Variants in CNPY1 observed in about 807,000 individuals in gnomAD.
CNPY1 encodes canopy FGF signaling regulator 1.
CNPY1 carries 14 observed loss-of-function variants against 14.4 expected under a neutral mutation model. That is an observed-to-expected ratio of 0.97 (90% CI 0.64 to 1.52). The LOEUF (loss-of-function observed/expected upper bound fraction) is 1.52. Ranked by LOEUF, CNPY1 falls within the 40% of genes most tolerant of loss-of-function variation. The pLI, the probability that CNPY1 is intolerant of heterozygous loss-of-function variation, is 0.00. For synonymous variants in CNPY1, 43 were observed against 46.5 expected, an observed-to-expected ratio of 0.92 and a Z score of 0.31; for missense variants, 129 against 131.5, an observed-to-expected ratio of 0.98 and a Z score of 0.09.
At chr7:155,534,374 C>A (rs1455178490) in intron 2 of CNPY1, among the ~76,000 whole-genome samples, 1 of 152,014 alleles carries the variant, frequency 6.6e-6, no homozygotes, top group Non-Finnish European at 1.5e-5. Context: ...CAGGCACACA[C>A]ACGCATGCAT....
Position 155,536,022 on chromosome 7 carries a change from G to A in CNPY1, c.99+9809C>T, listed in dbSNP as rs1563096682. Among the ~76,000 whole-genome samples the A allele has an allele frequency of 6.6e-6, 1 of 152,222 alleles. No homozygotes were observed. On this transcript the variant is annotated intron_variant, in intron 2 of 4. Transcript: ENST00000636446. The surrounding 1 kb of genome is among the most constrained non-coding windows in gnomAD (Gnocchi z 4.1). ...TTCTGAGATTTGCAACTGGAGGCTG[G>A]CAAGTATTTTATTTGGTGCAAGGTT... is the stretch of plus-strand genomic sequence containing the variant.
intron 2 of CNPY1, among the ~76,000 whole-genome samples, chr7:155,520,350 C>T (rs922266645): frequency 3.3e-5 from 5 of 151,464 alleles, no homozygotes; most frequent in South Asian, 2.1e-4. Context: ...CACCCACATG[C>T]GGTCCCAGGG....
intron 2 of CNPY1, among the ~76,000 whole-genome samples, chr7:155,518,786 G>A (rs1796667072): frequency 1.3e-5 from 2 of 152,148 alleles, no homozygotes; most frequent in South Asian, 2.1e-4. Flanking sequence ...AGTGGTGTCC[G>A]GGGTCTCACC....
At chr7:155,506,993 G>A (rs763611061) in intron 4 of CNPY1, 27 bp downstream of exon 4, 21 of 1,436,290 alleles carry the variant, frequency 1.5e-5, no homozygotes, top group Admixed American at 5.0e-5. Context: ...TGCGAGCAGC[G>A]AGCACATGTT....
chr7:155,543,926 A>C (rs1316647257), intron 2 of CNPY1, among the ~76,000 whole-genome samples: 1 of 152,210 alleles, frequency 6.6e-6, no homozygotes, highest in Non-Finnish European at 1.5e-5. Context: ...GTTGCTTTGC[A>C]GACTAAGTGT....
chr7:155,529,381 G>A (rs1796894669), intron 2 of CNPY1, among the ~76,000 whole-genome samples: 1 of 152,182 alleles, frequency 6.6e-6, no homozygotes, highest in African/African-American at 2.4e-5. Flanking sequence ...CTAACCTGCT[G>A]TAACAAAGTG....
chr7:155,539,563 T>C (rs1797060690), intron 2 of CNPY1, among the ~76,000 whole-genome samples: 1 of 152,284 alleles, frequency 6.6e-6, no homozygotes, highest in Non-Finnish European at 1.5e-5. Flanking sequence ...GATGTTATAG[T>C]GCCCTGTTGT....
chr7:155,544,397 C>G (rs1049572737), intron 2 of CNPY1, among the ~76,000 whole-genome samples: 9 of 152,234 alleles, frequency 5.9e-5, no homozygotes, highest in African/African-American at 2.2e-4. Context: ...CTTGGCTCCC[C>G]TTTGTTGGGC....
At chr7:155,526,418 T>G (rs192916913) in intron 2 of CNPY1, among the ~76,000 whole-genome samples, 2 of 152,290 alleles carry the variant, frequency 1.3e-5, no homozygotes, top group East Asian at 3.9e-4. Context: ...CCCAATGCCT[T>G]CGTGGACGGG....
intron 2 of CNPY1, among the ~76,000 whole-genome samples, chr7:155,538,894 A>G (rs965258907): frequency 1.3e-5 from 2 of 152,068 alleles, no homozygotes; most frequent in African/African-American, 2.4e-5. Context: ...GTGAGCTCCT[A>G]TGGGGGAAGA....
intron 3 of CNPY1, 62 bp from the exon 4 acceptor site, chr7:155,507,178 A>G: frequency 9.6e-7 from 1 of 1,039,570 alleles, no homozygotes; most frequent in South Asian, 1.3e-5. Context: ...CTTTGTTAGG[A>G]AGGACTTTGC....
intron 2 of CNPY1, chr7:155,510,400 C>G (rs1796500386): frequency 6.6e-6 from 1 of 152,216 alleles, no homozygotes; most frequent in African/African-American, 2.4e-5. Context: ...TCAAAACATT[C>G]TAAAAGAAAC....
In CNPY1 at chr7:155,509,537, G is replaced by GGAGAGAGAGCGA. The variant is rs1348738021; in HGVS notation, c.100-452_100-441dup. ...AGGAGGGAGAGACAGAGAGAGGGAG[G>GGAGAGAGAGCGA]GAGAGAGAGCGAGAGAGAGAGCGCG... On this transcript the variant is annotated intron_variant, in intron 2 of 4. Coordinates refer to ENST00000636446, the MANE Select transcript of CNPY1 (RefSeq NM_001393663.1). Among the ~76,000 whole-genome samples the GGAGAGAGAGCGA allele has an allele frequency of 1.2e-3, 177 of 151,698 alleles. 1 individual carries two copies. The highest frequency in any genetic ancestry group is 3.8e-3 in the African/African-American group (156 of 41,480).
intron 2 of CNPY1, among the ~76,000 whole-genome samples, chr7:155,533,125 A>G (rs1048228774): frequency 6.6e-6 from 1 of 152,224 alleles, no homozygotes; most frequent in African/African-American, 2.4e-5. Flanking sequence ...TACGCCGTAC[A>G]GTGACAACAT....
chr7:155,530,249 G>A, intron 2 of CNPY1, among the ~76,000 whole-genome samples: 1 of 149,634 alleles, frequency 6.7e-6, no homozygotes, highest in Non-Finnish European at 1.5e-5. Flanking sequence ...TCCACAACTG[G>A]CAGCAAAGGT....
rs1796119456 is a variant in CNPY1 at position 155,501,812 on chromosome 7, T to A, written c.*1256A>T. The A allele has an allele frequency of 6.6e-6, 1 of 152,214 alleles. No individual in the cohort carries two copies. The highest frequency in any genetic ancestry group is 2.1e-4 in the South Asian group (1 of 4,836). The allele number at this position is 152,214 out of a possible 1,614,324, so 9.4% of individuals were successfully genotyped here. A position where few individuals can be genotyped will look rare whatever the true frequency, so the allele number is the denominator to read the frequency against. On this transcript the variant is annotated 3_prime_UTR_variant, in exon 5 of 5. Coordinates refer to ENST00000636446, the MANE Select transcript of CNPY1 (RefSeq NM_001393663.1). ...GAAGCACCCAAGTAATTAAGTGACA[T>A]TAACTCACTAACTTTTAATCAGAGT...
intron 2 of CNPY1, among the ~76,000 whole-genome samples, chr7:155,512,702 AT>A (rs1796552714): frequency 6.6e-6 from 1 of 152,228 alleles, no homozygotes; most frequent in African/African-American, 2.4e-5. Context: ...CAGGAATACA[AT>A]TATGTTACAG....
chr7:155,525,818 A>T (rs1796809776), intron 2 of CNPY1, among the ~76,000 whole-genome samples: 1 of 152,260 alleles, frequency 6.6e-6, no homozygotes, highest in African/African-American at 2.4e-5. Context: ...CATTAAATTA[A>T]ATACCCAGTA....
intron 2 of CNPY1, among the ~76,000 whole-genome samples, chr7:155,514,899 A>C (rs1796587674): frequency 6.6e-6 from 1 of 151,916 alleles, no homozygotes; most frequent in African/African-American, 2.4e-5. Context: ...TGTCTCAAAA[A>C]ATAAAGTAAA....
Sources: gnomAD v4.1 joint callset for allele counts (sites outside exome capture counted in the v4.1 genomes callset) on GRCh38, gnomAD v4.1.1 for gene constraint, Gnocchi (gnomAD v3.1) non-coding constraint, MANE v1.5 for transcripts, NCBI Gene and HGNC (gene_info 2026-07-23, HGNC 2026-07-21) for gene names.